Variants in HIVEP3 observed in about 807,000 individuals in gnomAD.
HIVEP3 encodes the protein transcription factor HIVEP3.
HIVEP3 carries 49 observed loss-of-function variants against 152.8 expected under a neutral mutation model. The ratio of observed to expected loss-of-function variants is 0.32; its 90% CI spans 0.26 to 0.41. The LOEUF is 0.41. Among genes scored for constraint, HIVEP3 ranks in the 10% least tolerant of loss-of-function variants. The pLI is 1.00. For synonymous variants in HIVEP3, 1,269 were observed against 1,289.0 expected (o/e 0.98, Z 0.33); for missense variants, 2,790 against 3,103.3 (o/e 0.90, Z 2.40).
At chr1:41,741,964 T>G (rs77391191) in intron 1 of HIVEP3, among the ~76,000 whole-genome samples, 3,770 of 152,352 alleles carry the variant, frequency 0.025, 155 homozygotes, top group African/African-American at 0.086. Context: ...TTACATTGAT[T>G]GTCCAATGAA....
At position 41,888,377 on chromosome 1, in the gene HIVEP3, T is replaced by C. The variant is rs150244261; in HGVS notation, c.-801+30036A>G. On this transcript the variant is annotated intron_variant, in intron 1 of 8. Transcript: ENST00000372583. ...TAGCCCAGCTGATTTTAAACAGTCT[T>C]TACTAAGACATATCTAAGCCCTTCT... 1.2e-3 allele frequency among the ~76,000 whole-genome samples: 188 copies of C among 151,900 alleles called. 1 individual carries two copies. Among genetic ancestry groups the C allele is most frequent in the African/African-American group, 4.3e-3 (176 of 41,404 alleles).
intron 1 of HIVEP3, among the ~76,000 whole-genome samples, chr1:41,998,289 A>T (rs1455832908): frequency 6.6e-6 from 1 of 152,166 alleles, no homozygotes; most frequent in Non-Finnish European, 1.5e-5. Flanking sequence ...GTATTAAATA[A>T]TTTTTGCCTT....
At chr1:41,989,173 C>T (rs759338172) in intron 1 of HIVEP3, among the ~76,000 whole-genome samples, 11 of 152,056 alleles carry the variant, frequency 7.2e-5, no homozygotes, top group South Asian at 4.1e-4. Context: ...TTAATAACAA[C>T]GTATTATACA....
intron 1 of HIVEP3, among the ~76,000 whole-genome samples, chr1:41,797,357 G>A (rs1255594603): frequency 6.6e-6 from 1 of 152,216 alleles, no homozygotes; most frequent in Non-Finnish European, 1.5e-5. Context: ...AGCACAGTAT[G>A]TGAGCTTCAG....
intron 2 of HIVEP3, among the ~76,000 whole-genome samples, chr1:41,634,338 TG>T (rs1394593426): frequency 6.6e-6 from 1 of 152,174 alleles, no homozygotes; most frequent in Non-Finnish European, 1.5e-5. Context: ...TAGAGAAATC[TG>T]TGTAAAAACT....
chr1:41,677,899 CA>C (rs1277649334), intron 2 of HIVEP3, among the ~76,000 whole-genome samples: 1 of 152,110 alleles, frequency 6.6e-6, no homozygotes, highest in African/African-American at 2.4e-5. Flanking sequence ...CTCCCCTGCA[CA>C]GTGTTGAAAA....
intron 1 of HIVEP3, among the ~76,000 whole-genome samples, chr1:41,704,060 G>A (rs1332229121): frequency 6.6e-6 from 1 of 152,166 alleles, no homozygotes; most frequent in Non-Finnish European, 1.5e-5. Context: ...TCTGTAAAAT[G>A]GGAATACTCA....
intron 1 of HIVEP3, among the ~76,000 whole-genome samples, chr1:41,801,571 T>C (rs1570568242): frequency 6.6e-6 from 1 of 152,164 alleles, no homozygotes; most frequent in Non-Finnish European, 1.5e-5. Context: ...ATATCAGTTC[T>C]CCTTATAATA....
At chr1:41,536,520 G>A (rs886785157) in intron 5 of HIVEP3, among the ~76,000 whole-genome samples, 6 of 152,084 alleles carry the variant, frequency 3.9e-5, no homozygotes, top group Admixed American at 1.3e-4. Context: ...AGAGGGGGAT[G>A]GGCTGGCAAC....
At chr1:41,843,116 C>T (rs1643337293) in intron 1 of HIVEP3, among the ~76,000 whole-genome samples, 1 of 152,182 alleles carries the variant, frequency 6.6e-6, no homozygotes, top group Admixed American at 6.5e-5. Context: ...TCCCTAAGAC[C>T]TGAGGAAACG....
Position 41,664,676 on chromosome 1 carries a change from G to C in HIVEP3, c.-720-35729C>G, listed in dbSNP as rs938956153. 1.3e-5 allele frequency among the ~76,000 whole-genome samples: 2 copies of C among 152,180 alleles called. No individual in the cohort carries two copies. Among genetic ancestry groups the C allele is most frequent in the African/African-American group, 4.8e-5 (2 of 41,444 alleles). ...TAAGACAAACTAACCAGAGGACGGG[G>C]GAGAATTTACCCAACCCAGAACAGT... On this transcript the variant is annotated intron_variant, in intron 2 of 8. Transcript: ENST00000372583. This position sits in a 1 kb window ranked among gnomAD's most constrained non-coding sequence, Gnocchi z 4.4.
chr1:41,694,661 C>T (rs1646245910), intron 2 of HIVEP3, among the ~76,000 whole-genome samples: 1 of 152,220 alleles, frequency 6.6e-6, no homozygotes, highest in African/African-American at 2.4e-5. Flanking sequence ...CAACACCTGT[C>T]CTCAGAGACT....
At chr1:41,764,045 G>A (rs944491040) in intron 1 of HIVEP3, among the ~76,000 whole-genome samples, 12 of 152,198 alleles carry the variant, frequency 7.9e-5, no homozygotes, top group East Asian at 3.8e-4. Context: ...GGACAGATGC[G>A]GGGCCCAGAG....
At chr1:41,860,739 G>C (rs1327011131) in intron 1 of HIVEP3, among the ~76,000 whole-genome samples, 1 of 152,122 alleles carries the variant, frequency 6.6e-6, no homozygotes, top group Non-Finnish European at 1.5e-5. Context: ...GTTTCCTGCT[G>C]GGTCTGGCCC....
At chr1:41,902,098 G>A (rs1030937409) in intron 1 of HIVEP3, among the ~76,000 whole-genome samples, 1 of 152,150 alleles carries the variant, frequency 6.6e-6, no homozygotes, top group African/African-American at 2.4e-5. Context: ...CAGTGGTGAG[G>A]AGGAGGGGTG....
chr1:41,559,535 T>G (rs1389022662), intron 5 of HIVEP3, among the ~76,000 whole-genome samples: 1 of 152,160 alleles, frequency 6.6e-6, no homozygotes, highest in Non-Finnish European at 1.5e-5. Context: ...AATATCCCTC[T>G]GCAAGGGAGC....
chr1:41,524,851 C>T lies in HIVEP3; in HGVS notation c.5267G>A (p.Cys1756Tyr), dbSNP rs1331922879. ...CTTGCAGCGAATTCCACACTCCTCA[C>T]AAACATATTTCCCTCGGCCGCGGCC... ...VRGRGRGKYV[C>Y]EECGIRCKKP... Residue 1756 changes from cysteine to tyrosine, a missense_variant, in exon 6 of 9, where the codon TGT (cysteine) becomes TAT (tyrosine). By Grantham distance (194) the Cys-to-Tyr change is radical (BLOSUM62 -2). This residue lies in a region of HIVEP3 where 57 missense variants were observed against 95.1 expected (regional missense o/e 0.60). Coordinates refer to ENST00000372583, the MANE Select transcript of HIVEP3 (RefSeq NM_024503.5). 1 of 1,614,180 alleles carries T rather than the reference C, an allele frequency of 6.2e-7. No homozygotes were observed. The highest frequency in any genetic ancestry group is 1.1e-5 in the South Asian group (1 of 91,082).
At chr1:41,799,872 A>G (rs1650204274) in intron 1 of HIVEP3, among the ~76,000 whole-genome samples, 1 of 152,130 alleles carries the variant, frequency 6.6e-6, no homozygotes, top group Non-Finnish European at 1.5e-5. Flanking sequence ...GGAAAAATGC[A>G]GCAGGATCTG....
chr1:41,655,613 G>GGA (rs1188992914), intron 2 of HIVEP3, among the ~76,000 whole-genome samples: 5 of 148,598 alleles, frequency 3.4e-5, no homozygotes, highest in East Asian at 2.0e-4. Flanking sequence ...AAAAAGAGAG[G>GGA]GAGAGAGAGA....
Sources: gnomAD v4.1 joint callset for allele counts (sites outside exome capture counted in the v4.1 genomes callset) on GRCh38, gnomAD v4.1.1 for gene constraint, gnomAD v4.1.1 regional missense constraint, Gnocchi (gnomAD v3.1) non-coding constraint, MANE v1.5 for transcripts, NCBI Gene and HGNC (gene_info 2026-07-23, HGNC 2026-07-21) for gene names.